Variants in AFG2A observed in about 807,000 individuals in gnomAD.
AFG2A encodes AAA ATPase AFG2A.
the AFG2A span, among the ~76,000 whole-genome samples, chr4:123,038,617 A>T: frequency 1.3e-5 from 2 of 152,094 alleles, no homozygotes; most frequent in African/African-American, 4.8e-5. Context: ...GAGTTCAGCT[A>T]CTTGGGTTGC....
chr4:122,975,947 A>G, the AFG2A span, among the ~76,000 whole-genome samples: 3 of 152,158 alleles, frequency 2.0e-5, no homozygotes, highest in Admixed American at 6.5e-5. Context: ...TGTTTGTACT[A>G]TTCACTGCTT....
the AFG2A span, among the ~76,000 whole-genome samples, chr4:123,233,821 A>G: frequency 6.6e-6 from 1 of 152,124 alleles, no homozygotes; most frequent in East Asian, 1.9e-4. Flanking sequence ...ATACTTTCCA[A>G]GACTTTAAGC....
At chr4:123,007,511 T>C in the AFG2A span, among the ~76,000 whole-genome samples, 25 of 149,574 alleles carry the variant, frequency 1.7e-4, no homozygotes, top group Admixed American at 6.7e-4. Context: ...CTTTCTTGCC[T>C]ATTAAATTCT....
chr4:123,154,530 G>A, the AFG2A span, among the ~76,000 whole-genome samples: 1 of 152,144 alleles, frequency 6.6e-6, no homozygotes, highest in Non-Finnish European at 1.5e-5. Context: ...TCCATAGTGA[G>A]ATTTTAAGAG....
At chr4:123,282,656 C>G in the AFG2A span, among the ~76,000 whole-genome samples, 1 of 152,004 alleles carries the variant, frequency 6.6e-6, no homozygotes, top group Admixed American at 6.6e-5. Context: ...ACACAGCCAC[C>G]GCTGTGAGAC....
chr4:123,046,166 G>T, the AFG2A span, among the ~76,000 whole-genome samples: 2 of 151,460 alleles, frequency 1.3e-5, no homozygotes, highest in South Asian at 4.2e-4. Context: ...AATTTATTTC[G>T]TTTTTATGGG....
chr4:123,080,785 G>A, the AFG2A span, among the ~76,000 whole-genome samples: 1 of 151,872 alleles, frequency 6.6e-6, no homozygotes, highest in Non-Finnish European at 1.5e-5. Flanking sequence ...CAGCCCTATT[G>A]ATTGTATTTC....
At chr4:123,173,340 G>GTTTTTTTTTTTTTTTTTTT in the AFG2A span, among the ~76,000 whole-genome samples, 4 of 70,272 alleles carry the variant, frequency 5.7e-5, no homozygotes, top group Non-Finnish European at 7.3e-5. Flanking sequence ...AAGTCCAATG[G>GTTTTTTTTTTTTTTTTTTT]TTTTTTTTTT....
the AFG2A span, among the ~76,000 whole-genome samples, chr4:123,096,759 C>T: frequency 2.0e-5 from 3 of 151,868 alleles, no homozygotes; most frequent in African/African-American, 7.2e-5. Context: ...AAAAGATTGC[C>T]CAATTGAGAA....
At chr4:123,228,045 T>C in the AFG2A span, among the ~76,000 whole-genome samples, 1 of 152,186 alleles carries the variant, frequency 6.6e-6, no homozygotes, top group Non-Finnish European at 1.5e-5. Context: ...CCTGCCTTTT[T>C]TTGTTTTCCA....
chr4:123,109,524 C>T, the AFG2A span, among the ~76,000 whole-genome samples: 2 of 152,078 alleles, frequency 1.3e-5, no homozygotes, highest in Non-Finnish European at 2.9e-5. Context: ...AAGAAATACT[C>T]ATATGATAGA....
the AFG2A span, chr4:123,256,053 A>G: frequency 1.9e-6 from 3 of 1,614,116 alleles, no homozygotes; most frequent in African/African-American, 1.3e-5. Flanking sequence ...AGAATCATCT[A>G]TGTGCCTTTA....
the AFG2A span, among the ~76,000 whole-genome samples, chr4:123,070,226 G>T: frequency 6.6e-6 from 1 of 151,968 alleles, no homozygotes; most frequent in Admixed American, 6.6e-5. Context: ...GCCAATTATA[G>T]TGCTGACACT....
At chr4:123,023,228 T>C in the AFG2A span, among the ~76,000 whole-genome samples, 3 of 151,716 alleles carry the variant, frequency 2.0e-5, no homozygotes, top group Admixed American at 1.3e-4. Flanking sequence ...AAAAAAAGGG[T>C]TAAAACTCCT....
chr4:123,283,887 A>G, the AFG2A span, among the ~76,000 whole-genome samples: 1 of 152,046 alleles, frequency 6.6e-6, no homozygotes, highest in Non-Finnish European at 1.5e-5. Context: ...TTACAGCATA[A>G]GTTTGCGCAC....
the AFG2A span, among the ~76,000 whole-genome samples, chr4:123,037,108 C>G: frequency 6.6e-6 from 1 of 151,888 alleles, no homozygotes; most frequent in Non-Finnish European, 1.5e-5. Flanking sequence ...ATTGTAATAA[C>G]TAAAAGCACC....
the AFG2A span, chr4:123,057,264 A>G: frequency 6.2e-7 from 1 of 1,613,882 alleles, no homozygotes; most frequent in Non-Finnish European, 8.5e-7. Context: ...GATGAACTGG[A>G]TGCCTTAGCA....
the AFG2A span, among the ~76,000 whole-genome samples, chr4:123,006,407 C>T: frequency 6.6e-6 from 1 of 151,844 alleles, no homozygotes; most frequent in Non-Finnish European, 1.5e-5. Flanking sequence ...TCGGTTTATT[C>T]ATCTTGTATA....
At chr4:123,248,840 A>G in the AFG2A span, among the ~76,000 whole-genome samples, 6 of 152,218 alleles carry the variant, frequency 3.9e-5, no homozygotes, top group Admixed American at 1.3e-4. Context: ...GCCATATATT[A>G]GGAATTCAGA....
Sources: allele counts gnomAD v4.1 joint callset (sites outside exome capture counted in the v4.1 genomes callset), GRCh38; gene constraint gnomAD v4.1.1; transcripts MANE v1.5; gene names NCBI Gene and HGNC (gene_info 2026-07-23, HGNC 2026-07-21).